JMJD6: variants seen among roughly 807,000 people sequenced by gnomAD.
JMJD6 encodes the protein jumonji domain containing 6, arginine demethylase and lysine hydroxylase.
Under a neutral mutation model 45.8 loss-of-function variants are expected in JMJD6, and 17 were observed. The ratio of observed to expected loss-of-function variants is 0.37; its 90% CI spans 0.25 to 0.56. JMJD6 has a LOEUF of 0.56. Ranked by LOEUF, JMJD6 falls within the 20% of genes least tolerant of loss-of-function variation. JMJD6 has a pLI of 0.79. For missense variants in JMJD6, 470 were observed against 517.5 expected (o/e 0.91, Z 0.89); for synonymous variants, 221 against 196.3 (o/e 1.13, Z -1.05).
At chr17:76,725,994 G>A in intron 1 of JMJD6, 139 bp from the exon 2 acceptor site, 1 of 1,161,278 alleles carries the variant, frequency 8.6e-7, no homozygotes, top group South Asian at 1.7e-5. Context: ...GTGGGGGCAG[G>A]GCGCGTGCGT....
At chr17:76,712,872 G>A (rs1283821292) in exon 7 of JMJD6, 3 of 152,182 alleles carry the variant, frequency 2.0e-5, no homozygotes, top group Admixed American at 1.3e-4. Flanking sequence ...TGATGAACAA[G>A]TTTCACCCAA....
Position 76,725,858 on chromosome 17 carries a change from G to A in JMJD6, c.130-3C>T. The A allele has an allele frequency of 1.3e-6, 2 of 1,586,374 alleles. No individual in the cohort carries two copies. The highest frequency in any genetic ancestry group is 1.7e-6 in the Non-Finnish European group (2 of 1,171,308). On this transcript the variant is annotated splice_region_variant and splice_polypyrimidine_tract_variant and intron_variant, in intron 1 of 5. Coordinates refer to ENST00000397625, the MANE Select transcript of JMJD6 (RefSeq NM_015167.3). ...GCATCTGCCCTTTCCACGTTATCCT[G>A]AGGGAATTAAAAAAGACCTGTCCAG... is the stretch of plus-strand genomic sequence containing the variant.
chr17:76,725,450 G>T lies in JMJD6; in HGVS notation c.518+17C>A. ...AAAAGAAAAGGATTTTAACCACTTAGCTGCAGAATACTTTACCTGTAAGGG... is the reference window on the plus strand; with the variant it reads ...AAAAGAAAAGGATTTTAACCACTTATCTGCAGAATACTTTACCTGTAAGGG... On this transcript the variant is annotated intron_variant, in intron 2 of 5. Transcript: ENST00000397625. 6.6e-7 allele frequency: 1 copy of T among 1,507,726 alleles called. No individual in the cohort carries two copies. The highest frequency in any genetic ancestry group is 9.0e-7 in the Non-Finnish European group (1 of 1,116,652). 93.4% of individuals were successfully genotyped at this position (1,507,726 alleles called of 1,614,324 possible).
chr17:76,717,679 C>T (rs1038545302), downstream of JMJD6, among the ~76,000 whole-genome samples: 1 of 151,736 alleles, frequency 6.6e-6, no homozygotes, highest in African/African-American at 2.4e-5. Flanking sequence ...GAGACTTTGT[C>T]ACTACTAAAA....
chr17:76,726,269 G>C (rs1282568896), intron 1 of JMJD6, 78 bp downstream of exon 1: 1 of 1,480,350 alleles, frequency 6.8e-7, no homozygotes, highest in East Asian at 2.7e-5. Flanking sequence ...GGCGAGGGCA[G>C]CCTCGGGCCC....
rs2076828354 is a variant in JMJD6, at chr17:76,721,800, A to G, written c.939T>C (p.Tyr313=). ...AATAAGAAAAAAATGACTCTCACCT[A>G]TACCATTTCCTTGATAACTTTGGTC... ...RGRPKLSRKW[Y]RILKQEHPEL... is the part of the protein sequence containing the mutation. Residue 313 remains tyrosine, a splice_region_variant and synonymous_variant, in exon 4 of 6, where the codon TAT becomes TAC. Coordinates refer to ENST00000397625, the MANE Select transcript of JMJD6 (RefSeq NM_015167.3). 1.9e-6 allele frequency: 3 copies of G among 1,613,788 alleles called. No homozygotes were observed. The highest frequency in any genetic ancestry group is 2.7e-5 in the African/African-American group (2 of 74,882).
Position 76,718,503 on chromosome 17 carries a change from A to G in JMJD6, c.*226T>C. The G allele has an allele frequency of 3.0e-6, 4 of 1,346,932 alleles. No homozygotes were observed. Among genetic ancestry groups the G allele is most frequent in the Non-Finnish European group, 2.8e-6 (3 of 1,053,354 alleles). 83.4% of individuals were successfully genotyped at this position (1,346,932 alleles called of 1,614,324 possible). A position where few individuals can be genotyped will look rare whatever the true frequency, so the allele number is the denominator to read the frequency against. On this transcript the variant is annotated 3_prime_UTR_variant, in exon 6 of 6. Coordinates refer to ENST00000397625, the MANE Select transcript of JMJD6 (RefSeq NM_015167.3). ...TAATGTAAAGGATTTTCTTGGCACTATTCACATTCTCTTGCCTGAGTAAAA... is the reference window on the plus strand; with the variant it reads ...TAATGTAAAGGATTTTCTTGGCACTGTTCACATTCTCTTGCCTGAGTAAAA...
At position 76,726,481 on chromosome 17, in the gene JMJD6, G is replaced by C; in HGVS notation, c.-6C>G. ...TTCTTGCTCTTGTGGTTCATTCTGC[G>C]GGGTCGCCAGCTGGTTCCGCTACGA... is the stretch of plus-strand genomic sequence containing the variant. On this transcript the variant is annotated 5_prime_UTR_variant, in exon 1 of 6. Transcript: ENST00000397625. The C allele has an allele frequency of 1.3e-6, 2 of 1,589,716 alleles. No homozygotes were observed. Among genetic ancestry groups the C allele is most frequent in the Non-Finnish European group, 1.7e-6 (2 of 1,168,436 alleles).
At position 76,724,004 on chromosome 17, in the gene JMJD6, C is replaced by CA; in HGVS notation, c.572dup (p.Thr193AsnfsTer45). On this transcript the variant is annotated frameshift_variant, in exon 3 of 6. Transcript: ENST00000397625. LOFTEE classifies it high-confidence loss of function. Reference sequence around the variant, plus strand: ...CTAAGGCATTCCAGGCACTGGTTCCCAGAGGGTCGATGTGAATCCCAGTTC... The same window carrying CA: ...CTAAGGCATTCCAGGCACTGGTTCCCAAGAGGGTCGATGTGAATCCCAGTTC... The CA allele has an allele frequency of 2.5e-6, 4 of 1,614,160 alleles. No individual in the cohort carries two copies. The highest frequency in any genetic ancestry group is 3.4e-6 in the Non-Finnish European group (4 of 1,180,034).
At chr17:76,719,423 G>C (rs1267394002) in intron 5 of JMJD6, among the ~76,000 whole-genome samples, 1 of 152,004 alleles carries the variant, frequency 6.6e-6, no homozygotes, top group Non-Finnish European at 1.5e-5. Context: ...TGAGTAGCTG[G>C]GATTACAGGT....
At position 76,718,840 on chromosome 17, in the gene JMJD6, G is replaced by A. The variant is rs1003504364; in HGVS notation, c.1101C>T (p.Gly367=). The A allele has an allele frequency of 6.8e-6, 11 of 1,613,924 alleles. No homozygotes were observed. The highest frequency in any genetic ancestry group is 2.2e-5 in the East Asian group (1 of 44,874). Residue 367 remains glycine, a synonymous_variant, in exon 6 of 6, where the codon GGC becomes GGT. Transcript: ENST00000397625. ...TCTTCCTGCGGTGCACTGTCCCATC[G>A]CCCTCGGATCCAGACTCGCACTGGA... ...SDSECESGSE[G]DGTVHRRKKR...
At position 76,718,680 on chromosome 17, in the gene JMJD6, T is replaced by G; in HGVS notation, c.*49A>C. 1 of 1,596,352 alleles carries G rather than the reference T, an allele frequency of 6.3e-7. No individual in the cohort carries two copies. The highest frequency in any genetic ancestry group is 8.5e-7 in the Non-Finnish European group (1 of 1,170,988). On this transcript the variant is annotated 3_prime_UTR_variant, in exon 6 of 6. Transcript: ENST00000397625. The stretch of plus-strand genomic sequence containing the variant: ...TGGACAGGCCACCCTCCCCAGGCCC[T>G]GCCCTTGCCGCGAGCGTGTCCTTCC...
intron 5 of JMJD6, among the ~76,000 whole-genome samples, chr17:76,720,094 G>A (rs753668723): frequency 7.9e-5 from 12 of 152,218 alleles, no homozygotes; most frequent in Non-Finnish European, 1.2e-4. Context: ...ACAGTGAGCC[G>A]AGATCGCGCC....
chr17:76,718,520 T>C lies in JMJD6; in HGVS notation c.*209A>G. On this transcript the variant is annotated 3_prime_UTR_variant, in exon 6 of 6. Coordinates refer to ENST00000397625, the MANE Select transcript of JMJD6 (RefSeq NM_015167.3). ...TTGGCACTATTCACATTCTCTTGCCTGAGTAAAACAAGCCGCGTTTATCTG... is the reference window on the plus strand; with the variant it reads ...TTGGCACTATTCACATTCTCTTGCCCGAGTAAAACAAGCCGCGTTTATCTG... The C allele has an allele frequency of 7.3e-7, 1 of 1,361,608 alleles. No individual in the cohort carries two copies. 84.3% of individuals were successfully genotyped at this position (1,361,608 alleles called of 1,614,324 possible).
In JMJD6 at chr17:76,723,964, G is replaced by A. The variant is rs766654214; in HGVS notation, c.613C>T (p.Arg205Cys). Residue 205 changes from arginine to cysteine, a missense_variant, in exon 3 of 6, where the codon CGC (arginine) becomes TGC (cysteine). Coordinates refer to ENST00000397625, the MANE Select transcript of JMJD6 (RefSeq NM_015167.3). ...AWNALVQGHK[R>C]WCLFPTSTPR... The stretch of plus-strand genomic sequence containing the variant: ...GTGCTGGTAGGAAACAGGCACCAGC[G>A]CTTGTGGCCCTGAACTAAGGCATTC... 3.0e-5 allele frequency: 48 copies of A among 1,614,098 alleles called. No homozygotes were observed. The highest frequency in any genetic ancestry group is 3.8e-5 in the Non-Finnish European group (45 of 1,180,022).
chr17:76,723,782 G>C lies in JMJD6; in HGVS notation c.795C>G (p.Val265=), dbSNP rs772051198. Residue 265 remains valine (V), a synonymous_variant, in exon 3 of 6, where the codon GTC becomes GTG. Transcript: ENST00000397625. Reference sequence around the variant, plus strand: ...CCAGTTCATCTATACCTGGTACAAAGACAGTCTCTCCTGGTTTTTGTAAGA... The same window carrying C: ...CCAGTTCATCTATACCTGGTACAAACACAGTCTCTCCTGGTTTTTGTAAGA... ...LEILQKPGET[V]FVPGGWWHVV... 6.2e-7 allele frequency: 1 copy of C among 1,614,032 alleles called. No homozygotes were observed. The highest frequency in any genetic ancestry group is 8.5e-7 in the Non-Finnish European group (1 of 1,179,914).
chr17:76,721,157 G>C (rs1192691875), intron 4 of JMJD6: 1 of 231,576 alleles, frequency 4.3e-6, no homozygotes, highest in South Asian at 4.5e-5. Context: ...GGCGGGGTAA[G>C]TGGGCCTCAG....
chr17:76,721,279 TC>T, intron 4 of JMJD6: 1 of 439,524 alleles, frequency 2.3e-6, no homozygotes, highest in Non-Finnish European at 4.7e-6. Context: ...AGCTGGTCCC[TC>T]CAGGTCAGGG....
At chr17:76,718,003 T>C (rs1335558444), downstream of JMJD6, among the ~76,000 whole-genome samples, 1 of 121,178 alleles carries the variant, frequency 8.3e-6, no homozygotes, top group South Asian at 2.7e-4. Flanking sequence ...AAAAAAATAA[T>C]AAAAAAAAAA....
Sources: allele counts gnomAD v4.1 joint callset (sites outside exome capture counted in the v4.1 genomes callset), GRCh38; gene constraint gnomAD v4.1.1; transcripts MANE v1.5; gene names NCBI Gene and HGNC (gene_info 2026-07-23, HGNC 2026-07-21).